Variants in AHNAK observed in about 807,000 individuals in gnomAD.
AHNAK encodes the protein AHNAK nucleoprotein.
A neutral mutation model predicts 37.8 loss-of-function variants in AHNAK; 23 were observed. That is an observed-to-expected ratio of 0.61 (90% CI 0.44 to 0.86). The LOEUF (loss-of-function observed/expected upper bound fraction) is 0.86. Ranked by LOEUF, AHNAK falls within the 40% of genes least tolerant of loss-of-function variation. AHNAK has a pLI of 0.00. For missense variants in AHNAK, 7,411 were observed against 7,319.4 expected (o/e 1.01, Z -0.46); for synonymous variants, 2,481 against 2,636.3 (o/e 0.94, Z 1.80).
At chr11:62,448,357 A>G (rs1938462041) in intron 5 of AHNAK, among the ~76,000 whole-genome samples, 1 of 152,216 alleles carries the variant, frequency 6.6e-6, no homozygotes, top group East Asian at 1.9e-4. Flanking sequence ...GGAAGAGGAA[A>G]GATCATGGAC....
Position 62,502,308 on chromosome 11 carries a change from C to T in AHNAK, c.343-10477G>A, listed in dbSNP as rs145640108. 4.9e-3 allele frequency among the ~76,000 whole-genome samples: 753 copies of T among 152,346 alleles called. 15 individuals are homozygous for T. Among genetic ancestry groups the T allele is most frequent in the African/African-American group, 0.017 (699 of 41,566 alleles). On this transcript the variant is annotated intron_variant, in intron 4 of 5. Coordinates refer to the AHNAK transcript ENST00000257247. ...TTCACACTCAGCAGCTCAAGGAAAG[C>T]AGCCAAAGTGCAAAACTTCAGCAAC...
rs979725019 is a variant in AHNAK at position 62,521,763 on chromosome 11, G to T, written c.12654C>A (p.Asp4218Glu). The T allele has an allele frequency of 6.2e-7, 1 of 1,608,016 alleles. No homozygotes were observed. Among genetic ancestry groups the T allele is most frequent in the East Asian group, 2.2e-5 (1 of 44,448 alleles). Residue 4218 changes from aspartate (D) to glutamate (E), a missense_variant, in exon 5 of 5, where the codon GAC (aspartate) becomes GAA (glutamate). Coordinates refer to ENST00000378024, the MANE Select transcript of AHNAK (RefSeq NM_001620.3). The stretch of plus-strand genomic sequence containing the variant: ...CAATGTCCACCTTGGGTCCTGAGAC[G>T]TCAAGGTCAGCCTTGGGCAGGTTCA... ...VDVNLPKADL[D>E]VSGPKVDIDV...
chr11:62,444,704 G>T (rs1241109626), intron 5 of AHNAK, among the ~76,000 whole-genome samples: 1 of 152,232 alleles, frequency 6.6e-6, no homozygotes, highest in South Asian at 2.1e-4. Flanking sequence ...GCACGCATGC[G>T]CGATGGGCAC....
Position 62,518,445 on chromosome 11 carries a change from C to A in AHNAK, c.15972G>T (p.Val5324=), listed in dbSNP as rs1287413878. Residue 5324 remains valine, a synonymous_variant, in exon 5 of 5, where the codon GTG becomes GTT. Transcript: ENST00000378024. ...CACTGAGGTTGAGCCCTGGAGCATG[C>A]ACCTTCATGCTGGGAACAGATGCAT... ...DLDASVPSMK[V]HAPGLNLSGV... is the part of the protein sequence containing the mutation. The A allele has an allele frequency of 1.2e-6, 2 of 1,613,988 alleles. No homozygotes were observed. Among genetic ancestry groups the A allele is most frequent in the African/African-American group, 2.7e-5 (2 of 74,894 alleles).
chr11:62,530,780 C>T lies in AHNAK; in HGVS notation c.3637G>A (p.Val1213Met), dbSNP rs778910390. The T allele has an allele frequency of 1.4e-5, 22 of 1,613,640 alleles. No individual in the cohort carries two copies. Among genetic ancestry groups the T allele is most frequent in the Non-Finnish European group, 1.8e-5 (21 of 1,179,982 alleles). Residue 1213 changes from valine to methionine, a missense_variant, in exon 5 of 5, where the codon GTG (valine) becomes ATG (methionine). Coordinates refer to ENST00000378024, the MANE Select transcript of AHNAK (RefSeq NM_001620.3). ...TCTACCTTGGGCACAGACACATCCA[C>T]ATCCCCTTTGACTTTGGGGCCTTTC... ...HLKGPKVKGD[V>M]DVSVPKVEGE...
In AHNAK at chr11:62,491,912, G is replaced by A. The variant is rs1197801998; in HGVS notation, c.343-81C>T. 3.1e-6 allele frequency: 4 copies of A among 1,299,980 alleles called. No homozygotes were observed. The East Asian group carries it at 7.5e-5, about 24-fold the overall frequency. 80.5% of individuals were successfully genotyped at this position (1,299,980 alleles called of 1,614,324 possible). On this transcript the variant is annotated intron_variant, in intron 4 of 5. Transcript: ENST00000257247. ...CACTTTTCAAATGCCTACTATGGGT[G>A]TATAAAATACCAGAGACCCCACGTT...
intron 5 of AHNAK, among the ~76,000 whole-genome samples, chr11:62,462,036 G>T (rs993082054): frequency 6.6e-6 from 1 of 152,216 alleles, no homozygotes; most frequent in African/African-American, 2.4e-5. Context: ...CTTTTAAATA[G>T]AAGTCCTTCT....
rs370928332 is a variant in AHNAK at position 62,520,730 on chromosome 11, C to G, written c.13687G>C (p.Asp4563His). Residue 4563 changes from aspartate to histidine, a missense_variant, in exon 5 of 5, where the codon GAC (aspartate) becomes CAC (histidine). Physicochemically the swap from Asp to His is moderately conservative, Grantham distance 81 (BLOSUM62 -1). Coordinates refer to ENST00000378024, the MANE Select transcript of AHNAK (RefSeq NM_001620.3). ...CCATGAATGTCAATATCAGGAGTGT[C>G]AATGCCCACTTTAGGGCCTTTGACA... The part of the protein sequence containing the change: ...VDVKGPKVGI[D>H]TPDIDIHGPE... 1 of 1,614,146 alleles carries G rather than the reference C, an allele frequency of 6.2e-7. No individual in the cohort carries two copies. Among genetic ancestry groups the G allele is most frequent in the Non-Finnish European group, 8.5e-7 (1 of 1,180,036 alleles).
intron 5 of AHNAK, among the ~76,000 whole-genome samples, chr11:62,436,149 G>A (rs1433814621): frequency 6.6e-6 from 1 of 152,174 alleles, no homozygotes; most frequent in Non-Finnish European, 1.5e-5. Context: ...AGGGTGGGGA[G>A]GAAGTTGCAG....
intron 5 of AHNAK, among the ~76,000 whole-genome samples, chr11:62,437,794 A>C (rs1470633881): frequency 1.3e-5 from 2 of 152,196 alleles, no homozygotes; most frequent in African/African-American, 4.8e-5. Flanking sequence ...AATATGCAAT[A>C]GTTCTAGTTG....
chr11:62,490,053 G>A (rs1250322570), intron 5 of AHNAK, among the ~76,000 whole-genome samples: 3 of 152,018 alleles, frequency 2.0e-5, no homozygotes, highest in Non-Finnish European at 2.9e-5. Flanking sequence ...GCCTGGGAAC[G>A]GGAAGTGGGG....
chr11:62,480,449 C>T (rs1359014099), intron 5 of AHNAK, among the ~76,000 whole-genome samples: 2 of 151,940 alleles, frequency 1.3e-5, no homozygotes, highest in Non-Finnish European at 2.9e-5. Context: ...ATCACAAGGT[C>T]GGGAGTTCAA....
In AHNAK at chr11:62,530,327, C is replaced by G; in HGVS notation, c.4090G>C (p.Val1364Leu). The part of the protein sequence containing the change: ...VPDVDIKGPK[V>L]DISAPDVDVH... ...TCCACATCTGGAGCACTAATGTCAA[C>G]TTTGGGCCCTTTAATGTCAACATCT... The change falls in exon 5 of 5, where the codon GTT becomes CTT. Residue 1364 changes from valine to leucine, a missense_variant. Physicochemically the swap from Val to Leu is conservative, Grantham distance 32. Coordinates refer to ENST00000378024, the MANE Select transcript of AHNAK (RefSeq NM_001620.3). 1 of 1,612,822 alleles carries G rather than the reference C, an allele frequency of 6.2e-7. No homozygotes were observed. Among genetic ancestry groups the G allele is most frequent in the Non-Finnish European group, 8.5e-7 (1 of 1,179,750 alleles).
At chr11:62,542,348 C>G (rs1332965310) in intron 1 of AHNAK, among the ~76,000 whole-genome samples, 1 of 152,152 alleles carries the variant, frequency 6.6e-6, no homozygotes, top group Admixed American at 6.5e-5. Context: ...CTCCTCCCTG[C>G]TCCCTGCCCT....
chr11:62,541,341 C>G (rs1941117594), intron 1 of AHNAK, among the ~76,000 whole-genome samples: 1 of 152,200 alleles, frequency 6.6e-6, no homozygotes, highest in South Asian at 2.1e-4. Flanking sequence ...AAACTTCCGC[C>G]CAGCATGGCA....
At chr11:62,446,806 C>G (rs1452816932) in intron 5 of AHNAK, among the ~76,000 whole-genome samples, 1 of 151,918 alleles carries the variant, frequency 6.6e-6, no homozygotes, top group Non-Finnish European at 1.5e-5. Flanking sequence ...ATCCATTATC[C>G]CATCTTGCTT....
Position 62,535,982 on chromosome 11 carries a change from C to G in AHNAK, c.117G>C (p.Gln39His). Reference sequence around the variant, plus strand: ...CCCCAGTGCGGGCCGCAGGGGAGTTCTGCGTCACCTCCTGCACAAAGACGC... The same window carrying G: ...CCCCAGTGCGGGCCGCAGGGGAGTTGTGCGTCACCTCCTGCACAAAGACGC... Reference protein sequence around the residue: ...DDGVFVQEVTQNSPAARTGVV... With the variant: ...DDGVFVQEVTHNSPAARTGVV... Residue 39 changes from glutamine to histidine, a missense_variant, in exon 3 of 5, where the codon CAG becomes CAC. Transcript: ENST00000378024. The G allele has an allele frequency of 6.2e-7, 1 of 1,612,784 alleles. No individual in the cohort carries two copies. Among genetic ancestry groups the G allele is most frequent in the Non-Finnish European group, 8.5e-7 (1 of 1,179,556 alleles).
intron 5 of AHNAK, among the ~76,000 whole-genome samples, chr11:62,448,475 A>G (rs1174518156): frequency 1.3e-5 from 2 of 152,264 alleles, no homozygotes; most frequent in Admixed American, 6.5e-5. Flanking sequence ...TGTCTTTCCA[A>G]TGTGGAAATT....
Position 62,521,916 on chromosome 11 carries a change from G to C in AHNAK, c.12501C>G (p.Gly4167=). The C allele has an allele frequency of 6.2e-7, 1 of 1,613,390 alleles. No individual in the cohort carries two copies. The highest frequency in any genetic ancestry group is 1.7e-5 in the Admixed American group (1 of 59,904). ...CTGGGACATCAATGTCCACTTTGGGGCCCTTGATGTCAACTTCAGGGCCCT... is the reference window on the plus strand; with the variant it reads ...CTGGGACATCAATGTCCACTTTGGGCCCCTTGATGTCAACTTCAGGGCCCT... The part of the protein sequence containing the change: ...DLKGPEVDIK[G]PKVDIDVPDV... Residue 4167 remains glycine (G), a synonymous_variant, in exon 5 of 5, where the codon GGC becomes GGG. Coordinates refer to ENST00000378024, the MANE Select transcript of AHNAK (RefSeq NM_001620.3).
Sources: gnomAD v4.1 joint callset for allele counts (sites outside exome capture counted in the v4.1 genomes callset) on GRCh38, gnomAD v4.1.1 for gene constraint, MANE v1.5 for transcripts, NCBI Gene and HGNC (gene_info 2026-07-23, HGNC 2026-07-21) for gene names.